ZNF610: variants seen among roughly 807,000 people sequenced by gnomAD.
ZNF610 encodes the protein zink finger protein.
A neutral mutation model predicts 14.1 loss-of-function variants in ZNF610; 14 were observed. That is an observed-to-expected ratio of 0.99 (90% confidence interval 0.65 to 1.55). The LOEUF (loss-of-function observed/expected upper bound fraction) is 1.55, where lower values mean the gene tolerates loss of function less well. Among genes scored for constraint, ZNF610 ranks in the 40% most tolerant of loss-of-function variants. The pLI is 0.00. For synonymous variants in ZNF610, 185 were observed against 187.6 expected (o/e 0.99, Z 0.11); for missense variants, 530 against 558.0 (o/e 0.95, Z 0.51).
upstream of ZNF610, among the ~76,000 whole-genome samples, chr19:52,333,405 A>G (rs2560891): frequency 0.036 from 5,481 of 152,258 alleles, 279 homozygotes; most frequent in African/African-American, 0.12. Context: ...GGCAAAGCCT[A>G]AGAAAGTACA....
upstream of ZNF610, among the ~76,000 whole-genome samples, chr19:52,333,257 C>T (rs535561977): frequency 2.7e-4 from 41 of 152,264 alleles, no homozygotes; most frequent in African/African-American, 8.7e-4. Flanking sequence ...CATTAGAAGC[C>T]GAAACTGCGC....
At chr19:52,356,025 G>C (rs1387976529) in intron 5 of ZNF610, among the ~76,000 whole-genome samples, 1 of 152,102 alleles carries the variant, frequency 6.6e-6, no homozygotes, top group Non-Finnish European at 1.5e-5. Flanking sequence ...AGTATGGCCT[G>C]GTCTTTCTGG....
chr19:52,349,053 C>T lies in ZNF610; in HGVS notation c.-19-101C>T. 6 of 768,658 alleles carry T rather than the reference C, an allele frequency of 7.8e-6. 1 individual carries two copies. The Middle Eastern group carries it at 1.4e-3, about 185-fold the overall frequency. The allele number at this position is 768,658 out of a possible 1,614,324, so 47.6% of individuals were successfully genotyped here. Reference sequence around the variant, plus strand: ...CTCTGGTGCAGTGGGCAACAGAGGACATCTTTCCGCAGGATTAGGTCTAAC... The same window carrying T: ...CTCTGGTGCAGTGGGCAACAGAGGATATCTTTCCGCAGGATTAGGTCTAAC... On this transcript the variant is annotated intron_variant, in intron 2 of 5. Coordinates refer to ENST00000403906, the MANE Select transcript of ZNF610 (RefSeq NM_001161425.2).
intron 1 of ZNF610, among the ~76,000 whole-genome samples, chr19:52,343,694 C>T (rs373114981): frequency 2.6e-5 from 4 of 152,306 alleles, no homozygotes; most frequent in Non-Finnish European, 5.9e-5. Context: ...TGGAGACCCG[C>T]AAGAACAGGT....
At chr19:52,338,293 C>T (rs1374646726) in intron 1 of ZNF610, among the ~76,000 whole-genome samples, 1 of 152,210 alleles carries the variant, frequency 6.6e-6, no homozygotes, top group Non-Finnish European at 1.5e-5. Flanking sequence ...CTCAGGGAAA[C>T]TTTTTGCTTA....
At chr19:52,351,476 A>G (rs1314268196) in intron 3 of ZNF610, among the ~76,000 whole-genome samples, 1 of 151,840 alleles carries the variant, frequency 6.6e-6, no homozygotes, top group Non-Finnish European at 1.5e-5. Context: ...AAAAGAAAGA[A>G]ATCAGTCACC....
chr19:52,332,323 T>C (rs321928), upstream of ZNF610, among the ~76,000 whole-genome samples: 122,285 of 152,064 alleles, frequency 0.8, 50,151 homozygotes, highest in African/African-American at 0.96. This position sits in a 1 kb window ranked among gnomAD's most constrained non-coding sequence, Gnocchi z 4.1. Flanking sequence ...ATGGTTTCCA[T>C]AGGCAAGCAC....
At chr19:52,358,712 C>A (rs1427059100) in intron 5 of ZNF610, among the ~76,000 whole-genome samples, 1 of 152,050 alleles carries the variant, frequency 6.6e-6, no homozygotes, top group East Asian at 1.9e-4. Flanking sequence ...GTGTTCTATC[C>A]AGGGAAGCAT....
At chr19:52,341,938 A>G (rs572708180) in intron 1 of ZNF610, among the ~76,000 whole-genome samples, 2 of 152,176 alleles carry the variant, frequency 1.3e-5, no homozygotes, top group African/African-American at 4.8e-5. Context: ...AGCCTCCTGA[A>G]TAGCTGGGAC....
the ZNF610 span, chr19:52,330,528 A>G: frequency 6.6e-6 from 1 of 152,192 alleles, no homozygotes; most frequent in Non-Finnish European, 1.5e-5. Context: ...ATTTTTTCTA[A>G]TAATTTGTTT....
At chr19:52,346,518 G>T (rs547973077) in intron 1 of ZNF610, among the ~76,000 whole-genome samples, 5 of 152,022 alleles carry the variant, frequency 3.3e-5, no homozygotes, top group African/African-American at 1.2e-4. Flanking sequence ...GGTTAGTCTC[G>T]AACTCTTGGC....
Position 52,366,972 on chromosome 19 carries a change from T to C in ZNF610, c.*205T>C, listed in dbSNP as rs886592900. On this transcript the variant is annotated 3_prime_UTR_variant, in exon 6 of 6. Coordinates refer to ENST00000403906, the MANE Select transcript of ZNF610 (RefSeq NM_001161425.2). ...ATAATCTATAAAGAGAGAACAGTTA[T>C]ATCAGAATAGAGCATTTAATGAAAA... The C allele has an allele frequency of 7.5e-6, 4 of 534,582 alleles. No individual in the cohort carries two copies. The highest frequency in any genetic ancestry group is 5.9e-5 in the East Asian group (2 of 34,080). The allele number at this position is 534,582 out of a possible 1,614,324, so 33.1% of individuals were successfully genotyped here. A position where few individuals can be genotyped will look rare whatever the true frequency, so the allele number is the denominator to read the frequency against.
At chr19:52,354,147 ATAT>A (rs1985404300) in intron 4 of ZNF610, 101 bp from the exon 5 acceptor site, 1 of 1,488,278 alleles carries the variant, frequency 6.7e-7, no homozygotes, top group Admixed American at 2.0e-5. Context: ...AACTTGTGAG[ATAT>A]TATTCTTGAT....
chr19:52,342,520 CTTTT>C (rs761381882), intron 1 of ZNF610, among the ~76,000 whole-genome samples: 3 of 138,670 alleles, frequency 2.2e-5, no homozygotes, highest in African/African-American at 7.9e-5. Context: ...ATCTGTTTAA[CTTTT>C]TTTTTTTTTT....
At chr19:52,345,897 G>A (rs1388557001) in intron 1 of ZNF610, among the ~76,000 whole-genome samples, 1 of 151,182 alleles carries the variant, frequency 6.6e-6, no homozygotes, top group East Asian at 2.0e-4. Context: ...GTAGAGACGG[G>A]GTTTCACCAT....
chr19:52,363,155 T>C lies in ZNF610; in HGVS notation c.320-2543T>C, dbSNP rs59542289. Among the ~76,000 whole-genome samples the C allele has an allele frequency of 3.4e-3, 514 of 149,094 alleles. 4 individuals carry two copies. Among genetic ancestry groups the C allele is most frequent in the African/African-American group, 0.012 (477 of 40,330 alleles). ...TTTTTTTTTTTTTTGAGACATAGTC[T>C]CACCCTGTTGCCTACCCAGGCTGGA... On this transcript the variant is annotated intron_variant, in intron 5 of 5. Transcript: ENST00000403906.
chr19:52,353,835 G>A (rs1397073946), intron 4 of ZNF610, 27 bp downstream of exon 4: 14 of 1,601,462 alleles, frequency 8.7e-6, no homozygotes, highest in South Asian at 2.3e-5. Flanking sequence ...TCCAGAAGCC[G>A]GGATCTGCTC....
At chr19:52,343,716 A>C (rs1984798008) in intron 1 of ZNF610, among the ~76,000 whole-genome samples, 1 of 152,176 alleles carries the variant, frequency 6.6e-6, no homozygotes, top group Non-Finnish European at 1.5e-5. Context: ...ATGTCCATAC[A>C]TTCCCGCTAG....
chr19:52,347,213 C>T (rs1009444754), intron 1 of ZNF610: 1 of 152,290 alleles, frequency 6.6e-6, no homozygotes, highest in South Asian at 2.1e-4. Flanking sequence ...CACTGGAAGA[C>T]AGTGACATTG....
Sources: gnomAD v4.1 joint callset for allele counts (sites outside exome capture counted in the v4.1 genomes callset) on GRCh38, gnomAD v4.1.1 for gene constraint, Gnocchi (gnomAD v3.1) non-coding constraint, MANE v1.5 for transcripts, NCBI Gene and HGNC (gene_info 2026-07-23, HGNC 2026-07-21) for gene names.